The following SIRPG variants were observed in gnomAD, a reference collection of about 807,000 sequenced individuals.
SIRPG encodes signal-regulatory protein gamma.
A neutral mutation model predicts 35.7 loss-of-function variants in SIRPG; 38 were observed. The observed-to-expected ratio is 1.06, with a 90% CI of 0.82 to 1.40. The LOEUF (loss-of-function observed/expected upper bound fraction) is 1.40, where lower values mean the gene tolerates loss of function less well. Among genes scored for constraint, SIRPG ranks in the 40% most tolerant of loss-of-function variants. The probability of loss-of-function intolerance (pLI) is 0.00; values close to 1 mark genes in which losing one functional copy is unlikely to be tolerated. For missense variants in SIRPG, 519 were observed against 483.0 expected (o/e 1.07, Z -0.70); for synonymous variants, 215 against 190.4 (o/e 1.13, Z -1.06).
At chr20:1,659,800 G>A (rs138219816), upstream of SIRPG, among the ~76,000 whole-genome samples, 1,255 of 152,320 alleles carry the variant, frequency 8.2e-3, 15 homozygotes, top group African/African-American at 0.027. Context: ...AGAAGCTATA[G>A]CCTCAATTAG....
chr20:1,641,297 G>C (rs1045949569), intron 2 of SIRPG, among the ~76,000 whole-genome samples: 8 of 152,114 alleles, frequency 5.3e-5, no homozygotes, highest in African/African-American at 1.9e-4. Flanking sequence ...ACTTGTTATT[G>C]GTCTATTCAG....
the SIRPG span, among the ~76,000 whole-genome samples, chr20:1,677,084 GACAAT>G: frequency 2.8e-5 from 4 of 144,298 alleles, no homozygotes; most frequent in African/African-American, 1.2e-4. Context: ...TAGAAGTGAG[GACAAT>G]GAGGCGCAGA....
chr20:1,673,331 G>T, the SIRPG span, among the ~76,000 whole-genome samples: 2 of 151,956 alleles, frequency 1.3e-5, no homozygotes, highest in Non-Finnish European at 2.9e-5. Context: ...CCTGTGAGGG[G>T]GTCCTAATGT....
At chr20:1,641,359 T>C (rs192589892) in intron 2 of SIRPG, among the ~76,000 whole-genome samples, 1 of 152,174 alleles carries the variant, frequency 6.6e-6, no homozygotes, top group Non-Finnish European at 1.5e-5. Context: ...TGTACAGGAA[T>C]TTATCCATTT....
At chr20:1,652,056 C>T (rs1209082324) in intron 1 of SIRPG, among the ~76,000 whole-genome samples, 5 of 152,224 alleles carry the variant, frequency 3.3e-5, no homozygotes, top group African/African-American at 1.2e-4. Flanking sequence ...CCTCTTCTCT[C>T]TAGAGACTTT....
chr20:1,681,760 C>T, the SIRPG span, among the ~76,000 whole-genome samples: 1,662 of 152,280 alleles, frequency 0.011, 9 homozygotes, highest in Non-Finnish European at 0.017. Context: ...CACTTGAACC[C>T]AGGAAGCAGA....
chr20:1,680,405 C>T, the SIRPG span, among the ~76,000 whole-genome samples: 1 of 152,166 alleles, frequency 6.6e-6, no homozygotes, highest in African/African-American at 2.4e-5. Context: ...CATAAATTGT[C>T]CCACATCCAG....
At chr20:1,666,972 C>T in the SIRPG span, among the ~76,000 whole-genome samples, 6 of 151,706 alleles carry the variant, frequency 4.0e-5, no homozygotes, top group African/African-American at 1.2e-4. Context: ...AGTGCAGTGG[C>T]GTGATCGCGG....
At chr20:1,636,964 G>A (rs902878048) in intron 2 of SIRPG, among the ~76,000 whole-genome samples, 2 of 152,154 alleles carry the variant, frequency 1.3e-5, no homozygotes, top group Admixed American at 1.3e-4. Flanking sequence ...GAGAGGGGTG[G>A]CCTGGAACAT....
chr20:1,644,293 C>G (rs2091880077), intron 2 of SIRPG, among the ~76,000 whole-genome samples: 1 of 152,140 alleles, frequency 6.6e-6, no homozygotes, highest in Admixed American at 6.5e-5. Context: ...TGGAGGGATG[C>G]CCTGCCCAGT....
intron 3 of SIRPG, 129 bp from the exon 4 acceptor site, chr20:1,635,728 A>C (rs942442905): frequency 1.2e-4 from 117 of 986,646 alleles, no homozygotes; most frequent in South Asian, 5.6e-4. Context: ...AGCAGATGCT[A>C]AGACATTGAG....
intron 4 of SIRPG, among the ~76,000 whole-genome samples, chr20:1,634,283 T>C (rs1013518287): frequency 1.7e-4 from 25 of 149,032 alleles, no homozygotes; most frequent in African/African-American, 4.0e-4. Context: ...CTCGGCTCAC[T>C]GCAAGCTCCG....
chr20:1,667,002 C>A, the SIRPG span, among the ~76,000 whole-genome samples: 2 of 151,956 alleles, frequency 1.3e-5, no homozygotes, highest in Non-Finnish European at 2.9e-5. Flanking sequence ...CCCTTTAACT[C>A]CCGAGCTCAA....
intron 5 of SIRPG, 78 bp downstream of exon 5, chr20:1,630,144 G>A (rs3746719): frequency 0.26 from 282,973 of 1,102,004 alleles, 42,017 homozygotes; most frequent in East Asian, 0.59. Context: ...GGTGCTGCAT[G>A]GCATGTGGGC....
chr20:1,668,435 C>T, the SIRPG span, among the ~76,000 whole-genome samples: 1 of 151,892 alleles, frequency 6.6e-6, no homozygotes. Context: ...GGCACACACC[C>T]ACCATGCCCA....
chr20:1,639,790 T>C (rs2091837165), intron 2 of SIRPG, among the ~76,000 whole-genome samples: 1 of 152,230 alleles, frequency 6.6e-6, no homozygotes, highest in African/African-American at 2.4e-5. Context: ...CTTCAGTTAA[T>C]TTTTGTATAA....
At chr20:1,630,104 G>A (rs2091736879) in intron 5 of SIRPG, 118 bp downstream of exon 5, 2 of 761,800 alleles carry the variant, frequency 2.6e-6, no homozygotes, top group Non-Finnish European at 4.5e-6. Flanking sequence ...ACTTCCGAGG[G>A]TGCGGAGGGA....
In SIRPG at chr20:1,635,345, C is replaced by T. The variant is rs1281873519; in HGVS notation, c.1003G>A (p.Gly335Arg). 1 of 1,614,212 alleles carries T rather than the reference C, an allele frequency of 6.2e-7. No homozygotes were observed. Among genetic ancestry groups the T allele is most frequent in the Admixed American group, 1.7e-5 (1 of 60,030 alleles). The change falls in exon 4 of 6, where the codon GGG becomes AGG. Residue 335 changes from glycine (G) to arginine (R), a missense_variant. Physicochemically the swap from Gly to Arg is moderately radical, Grantham distance 125. Transcript: ENST00000303415. ...AGGCGTTTGCTGACCGCCAGCTGCCCATCATGCTTCACCTGGCAGGTGAGG... is the reference window on the plus strand; with the variant it reads ...AGGCGTTTGCTGACCGCCAGCTGCCTATCATGCTTCACCTGGCAGGTGAGG... The part of the protein sequence containing the change: ...VVLTCQVKHD[G>R]QLAVSKRLAL...
In SIRPG at chr20:1,629,469, G is replaced by A. The variant is rs1431339702; in HGVS notation, c.*170C>T. ...TGCTCTGGGGCATCCAGGTCTGTGT[G>A]AAGGAGCAACAGGAGCCTGTGGGCA... On this transcript the variant is annotated 3_prime_UTR_variant, in exon 6 of 6. Transcript: ENST00000303415. The A allele has an allele frequency of 6.6e-6, 1 of 152,442 alleles. No individual in the cohort carries two copies. Among genetic ancestry groups the A allele is most frequent in the African/African-American group, 2.4e-5 (1 of 41,438 alleles). The allele number at this position is 152,442 out of a possible 1,614,324, so 9.4% of individuals were successfully genotyped here. A position where few individuals can be genotyped will look rare whatever the true frequency, so the allele number is the denominator to read the frequency against.
Sources: gnomAD v4.1 joint callset for allele counts (sites outside exome capture counted in the v4.1 genomes callset) on GRCh38, gnomAD v4.1.1 for gene constraint, MANE v1.5 for transcripts, NCBI Gene and HGNC (gene_info 2026-07-23, HGNC 2026-07-21) for gene names.